LIPC: variants seen among roughly 807,000 people sequenced by gnomAD.
The protein encoded by LIPC is hepatic triacylglycerol lipase.
A neutral mutation model predicts 50.7 loss-of-function variants in LIPC; 44 were observed. The ratio of observed to expected loss-of-function variants is 0.87; its 90% confidence interval spans 0.68 to 1.11. LIPC has a LOEUF of 1.11. Among genes scored for constraint, LIPC ranks in the 50% most tolerant of loss-of-function variants. LIPC has a pLI of 0.00. For synonymous variants in LIPC, 271 were observed against 256.4 expected, an observed-to-expected ratio of 1.06 and a Z score of -0.54; for missense variants, 697 against 648.2, an observed-to-expected ratio of 1.08 and a Z score of -0.82.
chr15:58,483,236 C>A (rs929617569), intron 1 of LIPC, among the ~76,000 whole-genome samples: 8 of 152,040 alleles, frequency 5.3e-5, no homozygotes, highest in African/African-American at 1.7e-4. Context: ...GACATATAAC[C>A]CTCCCTCTGT....
intron 1 of LIPC, among the ~76,000 whole-genome samples, chr15:58,534,515 T>G (rs1451628831): frequency 6.6e-6 from 1 of 152,180 alleles, no homozygotes; most frequent in African/African-American, 2.4e-5. Flanking sequence ...AGACTCACGG[T>G]GACTTAAACG....
At chr15:58,548,179 C>A (rs1893603079) in intron 5 of LIPC, 151 bp from the exon 6 acceptor site, 2 of 966,042 alleles carry the variant, frequency 2.1e-6, no homozygotes, top group Non-Finnish European at 3.3e-6. Context: ...TCACATCCTG[C>A]TCTTGTCAAG....
intron 1 of LIPC, among the ~76,000 whole-genome samples, chr15:58,499,435 T>A (rs1192971299): frequency 6.6e-6 from 1 of 152,192 alleles, no homozygotes; most frequent in African/African-American, 2.4e-5. Flanking sequence ...TCTTTAGGAA[T>A]GAGTATGTAA....
At chr15:58,467,656 C>T (rs1894618577) in intron 1 of LIPC, among the ~76,000 whole-genome samples, 1 of 152,190 alleles carries the variant, frequency 6.6e-6, no homozygotes, top group Non-Finnish European at 1.5e-5. Context: ...TCTATCTTAT[C>T]AGAGTGGCCC....
chr15:58,545,913 C>T lies in LIPC; in HGVS notation c.746C>T (p.Ser249Phe). Residue 249 changes from serine to phenylalanine, a missense_variant, in exon 5 of 9, where the codon TCC (serine) becomes TTC (phenylalanine). Transcript: ENST00000299022. ...GHYDFYPNGG[S>F]FQPGCHFLEL... ...TATGACTTCTATCCCAACGGGGGCT[C>T]CTTCCAGCCTGGCTGCCACTTCCTA... is the stretch of plus-strand genomic sequence containing the variant. The T allele has an allele frequency of 6.2e-7, 1 of 1,614,214 alleles. No homozygotes were observed. Among genetic ancestry groups the T allele is most frequent in the Non-Finnish European group, 8.5e-7 (1 of 1,180,042 alleles).
At chr15:58,472,425 A>T (rs550047923) in intron 1 of LIPC, among the ~76,000 whole-genome samples, 16 of 152,086 alleles carry the variant, frequency 1.1e-4, no homozygotes, top group Non-Finnish European at 1.5e-4. Context: ...AACATACAAA[A>T]GTTAGCCAAG....
At chr15:58,550,672 T>G (rs1893716926) in intron 6 of LIPC, among the ~76,000 whole-genome samples, 1 of 151,994 alleles carries the variant, frequency 6.6e-6, no homozygotes, top group African/African-American at 2.4e-5. Context: ...GTCTCTTTAT[T>G]ACCGACTACT....
intron 1 of LIPC, among the ~76,000 whole-genome samples, chr15:58,493,054 A>G (rs1891637771): frequency 6.6e-6 from 1 of 152,178 alleles, no homozygotes; most frequent in South Asian, 2.1e-4. Context: ...TCTTGCTGTC[A>G]TGAAGAAAAC....
chr15:58,442,015 G>T (rs1893523910), intron 1 of LIPC, among the ~76,000 whole-genome samples: 1 of 152,176 alleles, frequency 6.6e-6, no homozygotes, highest in Admixed American at 6.5e-5. Context: ...TTTTGTTGCT[G>T]TGCTGTGTTT....
chr15:58,537,452 C>T (rs563262782), intron 1 of LIPC, among the ~76,000 whole-genome samples: 4 of 152,304 alleles, frequency 2.6e-5, no homozygotes, highest in East Asian at 3.9e-4. Context: ...GGAAAGCCTC[C>T]GAATGGACAT....
chr15:58,469,736 C>G (rs1422506233), intron 1 of LIPC, among the ~76,000 whole-genome samples: 2 of 152,158 alleles, frequency 1.3e-5, no homozygotes, highest in Admixed American at 1.3e-4. Context: ...TGAAGTGACC[C>G]TACCCTCTAC....
chr15:58,484,703 CCCACACTCCTACCGTCGGG>C (rs61024382), intron 1 of LIPC, among the ~76,000 whole-genome samples: 109,717 of 152,024 alleles, frequency 0.72, 39,639 homozygotes, highest in East Asian at 0.8. Context: ...GACTCCAGGG[CCCACACTCCTACCGTCGGG>C]CCACACTGCC....
chr15:58,548,307 G>A (rs753913266), intron 5 of LIPC, 23 bp from the exon 6 acceptor site: 2 of 1,613,858 alleles, frequency 1.2e-6, no homozygotes, highest in Non-Finnish European at 8.5e-7. Context: ...GGGTGATAAC[G>A]TCCTTCTTGC....
At chr15:58,468,234 T>C (rs947465283) in intron 1 of LIPC, among the ~76,000 whole-genome samples, 1 of 152,172 alleles carries the variant, frequency 6.6e-6, no homozygotes, top group Non-Finnish European at 1.5e-5. Flanking sequence ...TGAACCCAGG[T>C]CACGGCCACC....
At chr15:58,490,706 T>C (rs1891556898) in intron 1 of LIPC, among the ~76,000 whole-genome samples, 1 of 152,190 alleles carries the variant, frequency 6.6e-6, no homozygotes, top group African/African-American at 2.4e-5. Flanking sequence ...CATCTCCAGC[T>C]CTCTGAACCC....
At chr15:58,531,836 T>C (rs1217320033) in intron 1 of LIPC, among the ~76,000 whole-genome samples, 1 of 152,146 alleles carries the variant, frequency 6.6e-6, no homozygotes, top group Non-Finnish European at 1.5e-5. Flanking sequence ...CTAAAGCTAT[T>C]TGTAAAGAAT....
intron 1 of LIPC, among the ~76,000 whole-genome samples, chr15:58,500,646 C>T (rs1249938334): frequency 6.6e-6 from 1 of 152,126 alleles, no homozygotes; most frequent in Non-Finnish European, 1.5e-5. Flanking sequence ...GCTACCACTC[C>T]CTGACCTTGA....
chr15:58,508,378 A>G (rs117222261), intron 1 of LIPC, among the ~76,000 whole-genome samples: 1 of 152,206 alleles, frequency 6.6e-6, no homozygotes, highest in Non-Finnish European at 1.5e-5. Flanking sequence ...ATCATCCCCA[A>G]AGCAATATTA....
At chr15:58,518,490 T>A (rs1166279438) in intron 1 of LIPC, among the ~76,000 whole-genome samples, 2 of 152,206 alleles carry the variant, frequency 1.3e-5, no homozygotes, top group Non-Finnish European at 2.9e-5. Context: ...AAAGTTCTCT[T>A]CTGGGCCACC....
Sources: allele counts gnomAD v4.1 joint callset (sites outside exome capture counted in the v4.1 genomes callset), GRCh38; gene constraint gnomAD v4.1.1; transcripts MANE v1.5; gene names NCBI Gene and HGNC (gene_info 2026-07-23, HGNC 2026-07-21).